PCIF1: variants seen among roughly 807,000 people sequenced by gnomAD.
PCIF1 encodes mRNA (2'-O-methyladenosine-N(6)-)-methyltransferase.
Under a neutral mutation model 86.9 loss-of-function variants are expected in PCIF1, and 12 were observed. That is an observed-to-expected ratio of 0.14 (90% CI 0.09 to 0.22). PCIF1 has a LOEUF of 0.22. Among genes scored for constraint, PCIF1 ranks in the 10% least tolerant of loss-of-function variants. The pLI is 1.00. For missense variants in PCIF1, 701 were observed against 951.1 expected (o/e 0.74, Z 3.46); for synonymous variants, 397 against 372.0 (o/e 1.07, Z -0.77).
Position 45,938,984 on chromosome 20 carries a change from C to T in PCIF1, c.-16C>T, listed in dbSNP as rs951598101. On this transcript the variant is annotated 5_prime_UTR_variant, in exon 3 of 17. Transcript: ENST00000372409. ...TCTTTGGTCCTCTGTGTGGCAGGTC[C>T]TGTGTGGGTGTGGAGATGGCCAATG... 1 of 1,613,628 alleles carries T rather than the reference C, an allele frequency of 6.2e-7. No homozygotes were observed. Among genetic ancestry groups the T allele is most frequent in the South Asian group, 1.1e-5 (1 of 91,044 alleles).
rs780613882 is a variant in PCIF1 at position 45,948,017 on chromosome 20, C to A, written c.*262C>A. 1.5e-4 allele frequency: 219 copies of A among 1,456,300 alleles called. No homozygotes were observed. The highest frequency in any genetic ancestry group is 2.8e-5 in the Non-Finnish European group (30 of 1,085,100). 90.2% of individuals were successfully genotyped at this position (1,456,300 alleles called of 1,614,324 possible). On this transcript the variant is annotated 3_prime_UTR_variant, in exon 17 of 17. Transcript: ENST00000372409. The stretch of plus-strand genomic sequence containing the variant: ...TGTAAAAGGAAATACAGAAACCCCC[C>A]CAAGAATGTGTGAGGGTCTTGAGGG...
chr20:45,937,914 A>G, intron 2 of PCIF1: 1 of 234,354 alleles, frequency 4.3e-6, no homozygotes, highest in East Asian at 7.9e-5. Context: ...GCTTCTGATC[A>G]GCATGAGATA....
At position 45,940,586 on chromosome 20, in the gene PCIF1, A is replaced by G. The variant is rs1410719400; in HGVS notation, c.361A>G (p.Ser121Gly). 1 of 1,611,492 alleles carries G rather than the reference A, an allele frequency of 6.2e-7. No homozygotes were observed. Among genetic ancestry groups the G allele is most frequent in the East Asian group, 2.2e-5 (1 of 44,824 alleles). Residue 121 changes from serine to glycine, a missense_variant, in exon 5 of 17, where the codon AGC (serine) becomes GGC (glycine). Ser to Gly is a moderately conservative substitution (Grantham distance 56, BLOSUM62 0). Transcript: ENST00000372409. ...GCGGCAGCTCTCGGAAGAGCAGCCA[A>G]GCGGCAATGGTGTGAAGAAGCCCAA... Reference protein sequence around the residue: ...RKRQLSEEQPSGNGVKKPKIE... With the variant: ...RKRQLSEEQPGGNGVKKPKIE...
At chr20:45,946,548 C>T in intron 14 of PCIF1, among the ~76,000 whole-genome samples, 164 bp downstream of exon 14, 1 of 152,180 alleles carries the variant, frequency 6.6e-6, no homozygotes, top group Non-Finnish European at 1.5e-5. Flanking sequence ...TTCTGGGAGC[C>T]TGAGCTTTTC....
intron 5 of PCIF1, 59 bp from the exon 6 acceptor site, chr20:45,940,738 GTGTGCACTGTAT>G: frequency 6.3e-7 from 1 of 1,587,904 alleles, no homozygotes; most frequent in Non-Finnish European, 8.6e-7. Context: ...AGTTCACCAG[GTGTGCACTGTAT>G]TGGATGGAGC....
chr20:45,947,605 G>C lies in PCIF1; in HGVS notation c.1965G>C (p.Pro655=). The change falls in exon 17 of 17, where the codon CCG becomes CCC. Residue 655 remains proline, a synonymous_variant. Coordinates refer to ENST00000372409, the MANE Select transcript of PCIF1 (RefSeq NM_022104.4). This position sits in a 1 kb window ranked among gnomAD's most constrained non-coding sequence, Gnocchi z 5.4. ...ACCCTGGCTTTGCCAAGTGGGCGCCGACGCCTGAACGGCTGCAGGAGCTGA... is the reference window on the plus strand; with the variant it reads ...ACCCTGGCTTTGCCAAGTGGGCGCCCACGCCTGAACGGCTGCAGGAGCTGA... ...QNDPGFAKWA[P]TPERLQELSA... is the part of the protein sequence containing the mutation. 6.2e-7 allele frequency: 1 copy of C among 1,613,176 alleles called. No homozygotes were observed. The highest frequency in any genetic ancestry group is 8.5e-7 in the Non-Finnish European group (1 of 1,180,022).
chr20:45,935,203 C>G (rs1027628984), intron 1 of PCIF1, among the ~76,000 whole-genome samples: 4 of 150,048 alleles, frequency 2.7e-5, no homozygotes, highest in Middle Eastern at 3.5e-3. Flanking sequence ...TGCGCGCGCG[C>G]GCGCGCGCTG....
At chr20:45,939,592 A>C (rs1374605837) in intron 4 of PCIF1, among the ~76,000 whole-genome samples, 1 of 152,268 alleles carries the variant, frequency 6.6e-6, no homozygotes, top group Non-Finnish European at 1.5e-5. Context: ...AACAAGGCAG[A>C]CTTGCTCCCT....
At chr20:45,940,451 A>G in intron 4 of PCIF1, 24 bp from the exon 5 acceptor site, 1 of 1,570,860 alleles carries the variant, frequency 6.4e-7, no homozygotes, top group Non-Finnish European at 8.7e-7. Flanking sequence ...CCTGGTTGCA[A>G]CTCTGCTGGT....
chr20:45,940,925 C>T lies in PCIF1; in HGVS notation c.504C>T (p.Leu168=). Residue 168 remains leucine, a synonymous_variant, in exon 6 of 17, where the codon CTC becomes CTT. Coordinates refer to ENST00000372409, the MANE Select transcript of PCIF1 (RefSeq NM_022104.4). ...TSPEDKQQAA[L]LRPTEVYWDL... is the part of the protein sequence containing the mutation. Reference sequence around the variant, plus strand: ...CTGAAGATAAACAGCAGGCAGCTCTCCTACGACCCACTGAGTGAGTCCCTG... The same window carrying T: ...CTGAAGATAAACAGCAGGCAGCTCTTCTACGACCCACTGAGTGAGTCCCTG... 1 of 1,614,164 alleles carries T rather than the reference C, an allele frequency of 6.2e-7. No homozygotes were observed.
At position 45,939,120 on chromosome 20, in the gene PCIF1, C is replaced by G; in HGVS notation, c.121C>G (p.Pro41Ala). ...GCCAATCCGCCTGGTTCAGGACCTC[C>G]CAGGTACTGAGGGGGAGCAGTAGTG... ...PKPIRLVQDL[P>A]EELVHAGWEK... is the part of the protein sequence containing the mutation. Residue 41 changes from proline (P) to alanine (A), a missense_variant, in exon 3 of 17, where the codon CCA (proline) becomes GCA (alanine). By Grantham distance (27) the Pro-to-Ala change is conservative. Transcript: ENST00000372409. 1.2e-6 allele frequency: 2 copies of G among 1,614,062 alleles called. No homozygotes were observed. Among genetic ancestry groups the G allele is most frequent in the Non-Finnish European group, 1.7e-6 (2 of 1,179,988 alleles).
Position 45,947,475 on chromosome 20 carries a change from T to C in PCIF1, c.1883+37T>C. 2 of 1,613,200 alleles carry C rather than the reference T, an allele frequency of 1.2e-6. No individual in the cohort carries two copies. Among genetic ancestry groups the C allele is most frequent in the Non-Finnish European group, 1.7e-6 (2 of 1,179,876 alleles). On this transcript the variant is annotated intron_variant, in intron 16 of 16. Transcript: ENST00000372409. The surrounding 1 kb of genome is among the most constrained non-coding windows in gnomAD (Gnocchi z 5.4). ...GGAGGGCAGGGGAAGGAGGCTGGGC[T>C]GGCCAGGCCAGGCCCAGCCCCACCC... is the stretch of plus-strand genomic sequence containing the variant.
At chr20:45,939,403 T>A in intron 4 of PCIF1, 64 bp downstream of exon 4, 4 of 1,602,510 alleles carry the variant, frequency 2.5e-6, no homozygotes, top group Non-Finnish European at 2.5e-6. Flanking sequence ...CTTCCCCAAA[T>A]GTACCCTGAG....
chr20:45,940,963 G>A (rs760839644), intron 6 of PCIF1, 24 bp downstream of exon 6: 1 of 1,614,042 alleles, frequency 6.2e-7, no homozygotes, highest in Admixed American at 1.7e-5. Context: ...GATTGGCTTG[G>A]GGGCACCCAT....
chr20:45,935,177 T>G (rs1388548192), intron 1 of PCIF1, among the ~76,000 whole-genome samples: 15 of 139,718 alleles, frequency 1.1e-4, no homozygotes, highest in East Asian at 2.6e-4. Flanking sequence ...CTCGCTGGGG[T>G]AGGGGGAGGG....
chr20:45,938,887 C>T, intron 2 of PCIF1, 94 bp from the exon 3 acceptor site: 6 of 1,517,188 alleles, frequency 4.0e-6, no homozygotes, highest in Non-Finnish European at 5.4e-6. Context: ...GATTGGATTT[C>T]TCCACATCGG....
chr20:45,942,645 C>T (rs1338175915), intron 7 of PCIF1, among the ~76,000 whole-genome samples: 2 of 151,832 alleles, frequency 1.3e-5, no homozygotes, highest in Non-Finnish European at 2.9e-5. Flanking sequence ...AACAAGGTCT[C>T]GCTCTGTCAC....
chr20:45,943,852 CA>C lies in PCIF1; in HGVS notation c.1005+89del. The C allele has an allele frequency of 2.7e-6, 3 of 1,103,502 alleles. No homozygotes were observed. The highest frequency in any genetic ancestry group is 4.0e-6 in the Non-Finnish European group (3 of 753,658). The allele number at this position is 1,103,502 out of a possible 1,614,324, so 68.4% of individuals were successfully genotyped here. The stretch of plus-strand genomic sequence containing the variant: ...GCCTACTCTGCCTGTCCAGGCTGGG[CA>C]AGGCCTCCCCCAGCGGCCTATTCTT... On this transcript the variant is annotated intron_variant, in intron 10 of 16. Coordinates refer to ENST00000372409, the MANE Select transcript of PCIF1 (RefSeq NM_022104.4). This position sits in a 1 kb window ranked among gnomAD's most constrained non-coding sequence, Gnocchi z 5.5.
intron 2 of PCIF1, among the ~76,000 whole-genome samples, chr20:45,938,678 G>A (rs1484369037): frequency 6.6e-6 from 1 of 152,162 alleles, no homozygotes; most frequent in African/African-American, 2.4e-5. Flanking sequence ...GAGGAGCTCT[G>A]ACCACCTGGC....
Sources: gnomAD v4.1 joint callset for allele counts (sites outside exome capture counted in the v4.1 genomes callset) on GRCh38, gnomAD v4.1.1 for gene constraint, Gnocchi (gnomAD v3.1) non-coding constraint, MANE v1.5 for transcripts, NCBI Gene and HGNC (gene_info 2026-07-23, HGNC 2026-07-21) for gene names.